CAMK1G: variants seen among roughly 807,000 people sequenced by gnomAD.
CAMK1G encodes the protein calcium/calmodulin-dependent protein kinase type 1G.
A neutral mutation model predicts 54.8 loss-of-function variants in CAMK1G; 27 were observed. The observed-to-expected ratio is 0.49, with a 90% CI of 0.36 to 0.68. The LOEUF (loss-of-function observed/expected upper bound fraction) is 0.68, where lower values mean the gene tolerates loss of function less well. Among genes scored for constraint, CAMK1G ranks in the 30% least tolerant of loss-of-function variants. The probability of loss-of-function intolerance (pLI) is 0.00; values close to 1 mark genes in which losing one functional copy is unlikely to be tolerated. For synonymous variants in CAMK1G, 238 were observed against 224.9 expected (o/e 1.06, Z -0.52); for missense variants, 512 against 591.0 (o/e 0.87, Z 1.39).
At chr1:209,597,136 C>A (rs985502895) in intron 2 of CAMK1G, among the ~76,000 whole-genome samples, 15 of 152,284 alleles carry the variant, frequency 9.9e-5, no homozygotes, top group African/African-American at 3.6e-4. Flanking sequence ...CACAGTGGGG[C>A]ATGGTGGAGA....
chr1:209,584,328 G>C (rs761551075), intron 1 of CAMK1G, among the ~76,000 whole-genome samples: 1 of 152,176 alleles, frequency 6.6e-6, no homozygotes, highest in Admixed American at 6.5e-5. Context: ...TAAGGAAGAC[G>C]AGTCAGCCTC....
At chr1:209,585,497 A>C (rs139448697) in intron 1 of CAMK1G, among the ~76,000 whole-genome samples, 1 of 152,192 alleles carries the variant, frequency 6.6e-6, no homozygotes, top group Non-Finnish European at 1.5e-5. Context: ...ATCATTCACT[A>C]TCTGTTTGAT....
At chr1:209,601,541 G>A (rs1349242934) in intron 3 of CAMK1G, among the ~76,000 whole-genome samples, 1 of 152,162 alleles carries the variant, frequency 6.6e-6, no homozygotes, top group African/African-American at 2.4e-5. Flanking sequence ...TAGGATCCAG[G>A]GATATTAGGG....
chr1:209,592,987 A>C (rs1487897194), intron 1 of CAMK1G, among the ~76,000 whole-genome samples: 1 of 152,246 alleles, frequency 6.6e-6, no homozygotes, highest in Non-Finnish European at 1.5e-5. Flanking sequence ...TTGTAGCAGA[A>C]CAGAAAAAAA....
chr1:209,603,418 A>G, intron 4 of CAMK1G, 130 bp downstream of exon 4: 1 of 695,826 alleles, frequency 1.4e-6, no homozygotes, highest in Non-Finnish European at 2.5e-6. Flanking sequence ...CAGGAGGCTC[A>G]GAAATGCCAA....
chr1:209,611,488 A>C lies in CAMK1G; in HGVS notation c.851A>C (p.His284Pro). The C allele has an allele frequency of 1.9e-6, 3 of 1,614,184 alleles. No individual in the cohort carries two copies. Among genetic ancestry groups the C allele is most frequent in the Non-Finnish European group, 2.5e-6 (3 of 1,180,022 alleles). Residue 284 changes from histidine to proline, a missense_variant, in exon 10 of 13, where the codon CAC (histidine) becomes CCC (proline). Around this residue, in one of 3 missense-constraint regions of CAMK1G, gnomAD observed 315 missense variants for 330.5 expected, o/e 0.95. Coordinates refer to ENST00000361322, the MANE Select transcript of CAMK1G (RefSeq NM_020439.3). ...HPWIDGNTAL[H>P]RDIYPSVSLQ... Reference sequence around the variant, plus strand: ...AGGATTGACGGAAACACAGCCCTCCACCGGGACATCTACCCATCAGTCAGC... The same window carrying C: ...AGGATTGACGGAAACACAGCCCTCCCCCGGGACATCTACCCATCAGTCAGC...
intron 1 of CAMK1G, among the ~76,000 whole-genome samples, chr1:209,585,822 A>G (rs1416199451): frequency 2.0e-5 from 3 of 152,244 alleles, no homozygotes; most frequent in Admixed American, 6.5e-5. Flanking sequence ...GCAGCCTGCC[A>G]GCGCCAGCGA....
intron 6 of CAMK1G, 115 bp downstream of exon 6, chr1:209,606,558 G>A (rs1665654995): frequency 2.6e-6 from 3 of 1,155,148 alleles, no homozygotes; most frequent in South Asian, 3.0e-5. Context: ...GGGCTATCCT[G>A]GTAGGACATC....
chr1:209,596,005 T>C (rs1425532541), intron 2 of CAMK1G, among the ~76,000 whole-genome samples: 3 of 152,226 alleles, frequency 2.0e-5, no homozygotes, highest in Non-Finnish European at 2.9e-5. Context: ...TCTAGGCTAA[T>C]TGGGCCTGGG....
At chr1:209,603,766 A>G (rs1665582024) in intron 4 of CAMK1G, among the ~76,000 whole-genome samples, 1 of 152,210 alleles carries the variant, frequency 6.6e-6, no homozygotes, top group Non-Finnish European at 1.5e-5. Context: ...TCCAGCATAA[A>G]ATTACTGTAG....
Position 209,606,374 on chromosome 1 carries a change from G to A in CAMK1G, c.490G>A (p.Asp164Asn). ...PEENSKIMIT[D>N]FGLSKMEQNG... Reference sequence around the variant, plus strand: ...AGAGAACTCTAAGATCATGATCACTGACTTTGGTCTGTCCAAGATGGAACA... The same window carrying A: ...AGAGAACTCTAAGATCATGATCACTAACTTTGGTCTGTCCAAGATGGAACA... The change falls in exon 6 of 13, where the codon GAC (aspartate) becomes AAC (asparagine). Residue 164 changes from aspartate (D) to asparagine (N), a missense_variant. This residue lies in a region of CAMK1G where 186 missense variants were observed against 231.5 expected (regional missense o/e 0.80). Transcript: ENST00000361322. 6.2e-7 allele frequency: 1 copy of A among 1,614,100 alleles called. No individual in the cohort carries two copies. The highest frequency in any genetic ancestry group is 8.5e-7 in the Non-Finnish European group (1 of 1,180,000).
intron 4 of CAMK1G, among the ~76,000 whole-genome samples, 198 bp from the exon 5 acceptor site, chr1:209,605,338 C>A (rs1665621297): frequency 6.6e-6 from 1 of 152,160 alleles, no homozygotes; most frequent in African/African-American, 2.4e-5. Flanking sequence ...AAAGAGATGA[C>A]TGCCTAGTGA....
chr1:209,608,127 C>G (rs1194376733), intron 7 of CAMK1G, among the ~76,000 whole-genome samples, 194 bp downstream of exon 7: 5 of 152,176 alleles, frequency 3.3e-5, no homozygotes, highest in African/African-American at 1.2e-4. Flanking sequence ...AAAGCTTCCT[C>G]TCTCTTCACC....
At chr1:209,606,575 T>C (rs1665655385) in intron 6 of CAMK1G, 132 bp downstream of exon 6, 4 of 1,028,966 alleles carry the variant, frequency 3.9e-6, no homozygotes, top group East Asian at 2.5e-5. Context: ...CATCCACTTA[T>C]AAAGTTTAGG....
chr1:209,611,244 T>C (rs1246604280), intron 9 of CAMK1G, among the ~76,000 whole-genome samples: 1 of 152,244 alleles, frequency 6.6e-6, no homozygotes, highest in East Asian at 1.9e-4. Context: ...CTATAGCTTG[T>C]TGACCTTGCT....
chr1:209,587,321 A>C (rs551022805), intron 1 of CAMK1G, among the ~76,000 whole-genome samples: 15 of 152,142 alleles, frequency 9.9e-5, no homozygotes, highest in Non-Finnish European at 2.2e-4. Flanking sequence ...AAATATGAAG[A>C]ATTACAAAGC....
At position 209,609,900 on chromosome 1, in the gene CAMK1G, C is replaced by T. The variant is rs1665740704; in HGVS notation, c.798C>T (p.Tyr266=). Residue 266 remains tyrosine, a synonymous_variant, in exon 9 of 13, where the codon TAC becomes TAT. Coordinates refer to ENST00000361322, the MANE Select transcript of CAMK1G (RefSeq NM_020439.3). ...TTGAGAAGGATCCGAACGAGCGGTA[C>T]ACCTGTGAGAAGGCCTTGAGTCATC... ...HLLEKDPNER[Y]TCEKALSHPW... 2 of 1,614,166 alleles carry T rather than the reference C, an allele frequency of 1.2e-6. No homozygotes were observed. Among genetic ancestry groups the T allele is most frequent in the Non-Finnish European group, 1.7e-6 (2 of 1,180,014 alleles).
chr1:209,609,759 T>C (rs918616145), intron 8 of CAMK1G, 92 bp from the exon 9 acceptor site: 17 of 1,218,616 alleles, frequency 1.4e-5, no homozygotes, highest in Admixed American at 6.9e-5. Flanking sequence ...CAGCTAAAGA[T>C]GCATTCACTG....
chr1:209,605,364 C>T (rs945467307), intron 4 of CAMK1G, among the ~76,000 whole-genome samples, 172 bp from the exon 5 acceptor site: 1 of 152,130 alleles, frequency 6.6e-6, no homozygotes, highest in African/African-American at 2.4e-5. Context: ...CTCCAGGTAC[C>T]CAGAGTGGGT....
Sources: allele counts gnomAD v4.1 joint callset (sites outside exome capture counted in the v4.1 genomes callset), GRCh38; gene constraint gnomAD v4.1.1; regional missense constraint gnomAD v4.1.1; transcripts MANE v1.5; gene names NCBI Gene and HGNC (gene_info 2026-07-23, HGNC 2026-07-21).